ATP6V0A1: variants seen among roughly 807,000 people sequenced by gnomAD.
ATP6V0A1 encodes the protein ATPase H+ transporting V0 subunit a1.
In ATP6V0A1, 43 loss-of-function variants were observed where a neutral mutation model predicts 105.4. The observed-to-expected ratio is 0.41, with a 90% CI of 0.32 to 0.53. The LOEUF is 0.53. Among genes scored for constraint, ATP6V0A1 ranks in the 20% least tolerant of loss-of-function variants. The pLI is 0.30. For synonymous variants in ATP6V0A1, 362 were observed against 372.8 expected (o/e 0.97, Z 0.33); for missense variants, 676 against 1,051.1 (o/e 0.64, Z 4.93).
intron 2 of ATP6V0A1, among the ~76,000 whole-genome samples, chr17:42,461,508 C>T (rs1029247235): frequency 6.6e-6 from 1 of 152,152 alleles, no homozygotes; most frequent in African/African-American, 2.4e-5. Context: ...GGTACAGTGG[C>T]TCACGCCTAT....
intron 19 of ATP6V0A1, among the ~76,000 whole-genome samples, chr17:42,509,586 T>A (rs952502536): frequency 6.6e-6 from 1 of 152,248 alleles, no homozygotes; most frequent in African/African-American, 2.4e-5. Flanking sequence ...ACTGCTCATC[T>A]ATGCAGTCCC....
chr17:42,505,896 T>C (rs1220158116), intron 17 of ATP6V0A1, among the ~76,000 whole-genome samples: 3 of 152,096 alleles, frequency 2.0e-5, no homozygotes, highest in African/African-American at 7.2e-5. Flanking sequence ...TCAGCAGTTG[T>C]CCTGCTTCAG....
intron 11 of ATP6V0A1, 119 bp downstream of exon 11, chr17:42,490,756 G>A: frequency 9.2e-7 from 1 of 1,085,096 alleles, no homozygotes; most frequent in Non-Finnish European, 1.3e-6. Flanking sequence ...CAGCACGACT[G>A]TAGTTCACTG....
chr17:42,494,524 G>A lies in ATP6V0A1; in HGVS notation c.1314+51G>A, dbSNP rs776306431. ...GAACTGAAATTTTATAATTTCCCAA[G>A]CATTCATTATGAAAATTATGATCTG... On this transcript the variant is annotated intron_variant, in intron 12 of 21. Coordinates refer to ENST00000343619, the MANE Select transcript of ATP6V0A1 (RefSeq NM_001130021.3). 7.8e-6 allele frequency: 12 copies of A among 1,539,156 alleles called. No homozygotes were observed. The Admixed American group carries it at 1.9e-4, about 25-fold the overall frequency.
chr17:42,490,672 T>G lies in ATP6V0A1; in HGVS notation c.1174+35T>G, dbSNP rs1423685079. 3.2e-6 allele frequency: 5 copies of G among 1,550,740 alleles called. No individual in the cohort carries two copies. The African/African-American group carries it at 5.6e-5, about 17-fold the overall frequency. ...AGCTTGTTATCTTTTTCCTCTAGAG[T>G]TTTTTTTGTTTGTTTGGTTGGTTTG... On this transcript the variant is annotated intron_variant, in intron 11 of 21. Transcript: ENST00000343619.
At chr17:42,491,762 C>T (rs542382660) in intron 11 of ATP6V0A1, among the ~76,000 whole-genome samples, 70 of 152,242 alleles carry the variant, frequency 4.6e-4, no homozygotes, top group African/African-American at 1.7e-3. Context: ...GGATTACAGA[C>T]GTGAGCCACT....
At chr17:42,494,244 A>AAT in intron 11 of ATP6V0A1, 90 bp from the exon 12 acceptor site, 1 of 1,236,372 alleles carries the variant, frequency 8.1e-7, no homozygotes, top group Non-Finnish European at 1.1e-6. Context: ...AAAAAAAAAA[A>AAT]GGGGGGTGGG....
chr17:42,518,681 G>C (rs1306406770), intron 21 of ATP6V0A1: 1 of 152,256 alleles, frequency 6.6e-6, no homozygotes, highest in African/African-American at 2.4e-5. Context: ...GGTGGCCTTT[G>C]CCAAGTGCTG....
intron 19 of ATP6V0A1, among the ~76,000 whole-genome samples, chr17:42,509,372 T>C (rs182597771): frequency 9.8e-4 from 150 of 152,292 alleles, no homozygotes; most frequent in Admixed American, 3.5e-3. Context: ...CTGCACTGTT[T>C]GCATCTTCCC....
intron 11 of ATP6V0A1, among the ~76,000 whole-genome samples, chr17:42,490,896 G>T (rs1296554947): frequency 6.6e-6 from 1 of 151,982 alleles, no homozygotes; most frequent in African/African-American, 2.4e-5. Flanking sequence ...GTCTCATTCT[G>T]TTGCCTAGGC....
intron 9 of ATP6V0A1, among the ~76,000 whole-genome samples, chr17:42,486,513 A>G (rs973688750): frequency 6.6e-6 from 1 of 152,182 alleles, no homozygotes; most frequent in Non-Finnish European, 1.5e-5. Flanking sequence ...TCTGAGGGAA[A>G]TCTGTACTGA....
chr17:42,470,205 A>T lies in ATP6V0A1; in HGVS notation c.410A>T (p.Gln137Leu). ...ELKFILRKTQQFFDEMADPDL... is the reference protein window; with the variant it reads ...ELKFILRKTQLFFDEMADPDL... ...AAATTTATACTTCGCAAAACTCAGC[A>T]ATTTTTTGATGAGGTCAGACTATTG... Residue 137 changes from glutamine to leucine, a missense_variant, in exon 5 of 22, where the codon CAA becomes CTA. By Grantham distance (113) the Gln-to-Leu change is moderately radical (BLOSUM62 -2). Around this residue, in one of 3 missense-constraint regions of ATP6V0A1, gnomAD observed 239 missense variants for 388.4 expected, o/e 0.62. Transcript: ENST00000343619. 2 of 1,613,222 alleles carry T rather than the reference A, an allele frequency of 1.2e-6. No individual in the cohort carries two copies. The highest frequency in any genetic ancestry group is 1.7e-6 in the Non-Finnish European group (2 of 1,179,624).
intron 11 of ATP6V0A1, among the ~76,000 whole-genome samples, chr17:42,491,895 A>C (rs1350556839): frequency 6.6e-6 from 1 of 151,482 alleles, no homozygotes; most frequent in African/African-American, 2.4e-5. Flanking sequence ...GGGATTACAA[A>C]GTGCTGGGTG....
intron 19 of ATP6V0A1, among the ~76,000 whole-genome samples, chr17:42,511,688 G>A (rs746705948): frequency 6.6e-6 from 1 of 152,138 alleles, no homozygotes; most frequent in Non-Finnish European, 1.5e-5. Context: ...TAACAGCTGG[G>A]CCAGGCGCGG....
chr17:42,459,645 A>G (rs188917003), intron 1 of ATP6V0A1, among the ~76,000 whole-genome samples: 160 of 152,304 alleles, frequency 1.1e-3, no homozygotes, highest in Middle Eastern at 6.8e-3. Context: ...TTATGTGTTT[A>G]GAGGTTGTAG....
chr17:42,500,667 G>A, intron 15 of ATP6V0A1, 40 bp from the exon 16 acceptor site: 1 of 1,523,738 alleles, frequency 6.6e-7, no homozygotes, highest in South Asian at 1.1e-5. Flanking sequence ...GTGGCCCTAG[G>A]CCCATTTACC....
At chr17:42,469,801 C>G (rs1312012290) in intron 4 of ATP6V0A1, among the ~76,000 whole-genome samples, 1 of 152,068 alleles carries the variant, frequency 6.6e-6, no homozygotes, top group Non-Finnish European at 1.5e-5. Flanking sequence ...CGCCAGCACG[C>G]CCAGCTAATT....
Position 42,501,194 on chromosome 17 carries a change from C to T in ATP6V0A1, c.1897-3C>T. The T allele has an allele frequency of 6.2e-7, 1 of 1,609,724 alleles. No individual in the cohort carries two copies. On this transcript the variant is annotated splice_polypyrimidine_tract_variant and splice_region_variant and intron_variant, in intron 16 of 21. Transcript: ENST00000343619. ...GTACCTTGTCCTTCTTCTTACTCTG[C>T]AGAAAGGAATTCAGTGTTTCCTGGT...
At chr17:42,518,445 A>G (rs541438283) in intron 21 of ATP6V0A1, 4 of 152,334 alleles carry the variant, frequency 2.6e-5, no homozygotes, top group Non-Finnish European at 4.4e-5. Context: ...CGTCAGACAG[A>G]TGTGTGTTGT....
Sources: gnomAD v4.1 joint callset for allele counts (sites outside exome capture counted in the v4.1 genomes callset) on GRCh38, gnomAD v4.1.1 for gene constraint, gnomAD v4.1.1 regional missense constraint, MANE v1.5 for transcripts, NCBI Gene and HGNC (gene_info 2026-07-23, HGNC 2026-07-21) for gene names.